The following NDST3 variants were observed in gnomAD, a reference collection of about 807,000 sequenced individuals.
NDST3 encodes N-deacetylase and N-sulfotransferase 3, also known as bifunctional heparan sulfate N-deacetylase/N-sulfotransferase 3.
NDST3 carries 58 observed loss-of-function variants against 96.1 expected under a neutral mutation model. The ratio of observed to expected loss-of-function variants is 0.60; its 90% CI spans 0.49 to 0.75. The LOEUF (loss-of-function observed/expected upper bound fraction) is 0.75. Among genes scored for constraint, NDST3 ranks in the 30% least tolerant of loss-of-function variants. The pLI is 0.00. For missense variants in NDST3, 788 were observed against 1,034.2 expected, an observed-to-expected ratio of 0.76 and a Z score of 3.27; for synonymous variants, 333 against 359.7, an observed-to-expected ratio of 0.93 and a Z score of 0.84.
In NDST3 at chr4:118,198,160, C is replaced by G. The variant is rs1380306098; in HGVS notation, c.1540-26331C>G. Among the ~76,000 whole-genome samples the G allele has an allele frequency of 2.0e-5, 3 of 152,182 alleles. No homozygotes were observed. In the East Asian group the frequency reaches 5.8e-4, roughly 29 times the overall value. Reference sequence around the variant, plus strand: ...TTGAAGAACTGTGTCCATTTACATTCAATTTATAGATAAGTAAGGACTTAC... The same window carrying G: ...TTGAAGAACTGTGTCCATTTACATTGAATTTATAGATAAGTAAGGACTTAC... On this transcript the variant is annotated intron_variant, in intron 6 of 13. Transcript: ENST00000296499.
intron 3 of NDST3, among the ~76,000 whole-genome samples, chr4:118,105,751 A>G (rs1319499366): frequency 1.3e-4 from 20 of 152,170 alleles, no homozygotes; most frequent in Admixed American, 1.3e-3. Flanking sequence ...TTCTGAATAG[A>G]AATGTTCATA....
At chr4:118,202,998 G>C (rs1738195952) in intron 6 of NDST3, among the ~76,000 whole-genome samples, 1 of 152,116 alleles carries the variant, frequency 6.6e-6, no homozygotes, top group Non-Finnish European at 1.5e-5. Flanking sequence ...TCATTGCCTA[G>C]TCTGTTGAGG....
intron 5 of NDST3, among the ~76,000 whole-genome samples, chr4:118,142,952 T>G (rs145191595): frequency 4.6e-5 from 7 of 152,322 alleles, no homozygotes; most frequent in African/African-American, 1.7e-4. Flanking sequence ...GTGAATAATC[T>G]CTTTCTTACA....
At chr4:118,147,054 C>G (rs1482323200) in intron 6 of NDST3, among the ~76,000 whole-genome samples, 4 of 152,128 alleles carry the variant, frequency 2.6e-5, no homozygotes, top group African/African-American at 9.7e-5. Flanking sequence ...TCCCATGTAA[C>G]CGGACTACCT....
intron 9 of NDST3, among the ~76,000 whole-genome samples, chr4:118,235,027 C>CA (rs796108780): frequency 0.014 from 459 of 33,352 alleles, 3 homozygotes; most frequent in African/African-American, 0.036. Flanking sequence ...GAGACTCCAT[C>CA]AAAAAAAAAA....
intron 5 of NDST3, among the ~76,000 whole-genome samples, chr4:118,138,844 C>T (rs554664255): frequency 4.6e-5 from 7 of 152,262 alleles, no homozygotes; most frequent in South Asian, 2.1e-4. Flanking sequence ...TATGCTACTA[C>T]CTCCCAAAGT....
chr4:118,243,638 G>C (rs1390685574), intron 12 of NDST3, among the ~76,000 whole-genome samples: 1 of 152,116 alleles, frequency 6.6e-6, no homozygotes, highest in East Asian at 1.9e-4. Context: ...GCATCTCTTG[G>C]AAAAGAAAGC....
At chr4:118,112,855 A>G (rs1730752226) in intron 3 of NDST3, among the ~76,000 whole-genome samples, 1 of 152,190 alleles carries the variant, frequency 6.6e-6, no homozygotes, top group Non-Finnish European at 1.5e-5. Flanking sequence ...ACCACTCAGA[A>G]GCGCCAAGAA....
chr4:118,161,706 G>A (rs569348685), intron 6 of NDST3, among the ~76,000 whole-genome samples: 39 of 152,268 alleles, frequency 2.6e-4, no homozygotes, highest in Middle Eastern at 3.4e-3. Context: ...CTGGTGTGCC[G>A]TTTTTTAAGC....
At chr4:118,080,824 G>A (rs991914169) in intron 2 of NDST3, among the ~76,000 whole-genome samples, 1 of 152,146 alleles carries the variant, frequency 6.6e-6, no homozygotes, top group Non-Finnish European at 1.5e-5. Context: ...CTGAGGACAT[G>A]AATTATTTTG....
At chr4:118,062,013 A>G (rs916996860) in intron 2 of NDST3, among the ~76,000 whole-genome samples, 11 of 152,196 alleles carry the variant, frequency 7.2e-5, no homozygotes, top group Admixed American at 5.2e-4. Context: ...TTATTTGAAT[A>G]TAATTTGAAC....
intron 13 of NDST3, among the ~76,000 whole-genome samples, chr4:118,254,359 G>C (rs1741978315): frequency 6.6e-6 from 1 of 151,930 alleles, no homozygotes; most frequent in African/African-American, 2.4e-5. Flanking sequence ...GTTTTGAGCT[G>C]TTAATATGCT....
chr4:118,152,546 G>A (rs1416714751), intron 6 of NDST3, among the ~76,000 whole-genome samples: 2 of 151,912 alleles, frequency 1.3e-5, no homozygotes, highest in Middle Eastern at 3.2e-3. Flanking sequence ...CTGGAAAAGG[G>A]GCCTACTGTA....
At chr4:118,129,073 T>C (rs1732374453) in intron 4 of NDST3, among the ~76,000 whole-genome samples, 1 of 151,852 alleles carries the variant, frequency 6.6e-6, no homozygotes, top group Non-Finnish European at 1.5e-5. Flanking sequence ...TGGGTCCTCA[T>C]CCTTTTTTTT....
At position 118,258,003 on chromosome 4, in the gene NDST3, A is replaced by G. The variant is rs544748968; in HGVS notation, c.*2291A>G. On this transcript the variant is annotated 3_prime_UTR_variant, in exon 14 of 14. Transcript: ENST00000296499. ...GGCAACAACATTTATTCTAATAAAA[A>G]AAGAAAAGAAAAACTGATACATTTA... 6.6e-6 allele frequency: 1 copy of G among 152,252 alleles called. No homozygotes were observed. The highest frequency in any genetic ancestry group is 1.5e-5 in the Non-Finnish European group (1 of 68,046). The allele number at this position is 152,252 out of a possible 1,614,324, so 9.4% of individuals were successfully genotyped here. A position where few individuals can be genotyped will look rare whatever the true frequency, so the allele number is the denominator to read the frequency against.
At chr4:118,126,631 G>A (rs1273145291) in intron 4 of NDST3, among the ~76,000 whole-genome samples, 1 of 151,182 alleles carries the variant, frequency 6.6e-6, no homozygotes, top group Non-Finnish European at 1.5e-5. Flanking sequence ...CCTGGCTATT[G>A]TAAACAGTGC....
chr4:118,121,890 T>C (rs972897481), intron 4 of NDST3, among the ~76,000 whole-genome samples: 1 of 152,244 alleles, frequency 6.6e-6, no homozygotes, highest in South Asian at 2.1e-4. Context: ...ATTTGAACTT[T>C]TGAAAGTGGT....
At position 118,206,067 on chromosome 4, in the gene NDST3, C is replaced by T. The variant is rs1418403427; in HGVS notation, c.1540-18424C>T. ...CAGGATGGTCTCGATCTCCTGACCT[C>T]GTGATCCGCCCACCTCGGCCTCCCA... On this transcript the variant is annotated intron_variant, in intron 6 of 13. Coordinates refer to ENST00000296499, the MANE Select transcript of NDST3 (RefSeq NM_004784.3). 2.1e-5 allele frequency among the ~76,000 whole-genome samples: 3 copies of T among 142,928 alleles called. 1 individual carries two copies. Among genetic ancestry groups the T allele is most frequent in the Admixed American group, 2.1e-4 (3 of 14,430 alleles). The allele number at this position is 142,928 out of a possible 152,430, so 93.8% of individuals were successfully genotyped here.
rs111911090 is a variant in NDST3 at position 118,199,865 on chromosome 4, C to T, written c.1540-24626C>T. Reference sequence around the variant, plus strand: ...GATCCAGAAGAATTATCTGGATTACCGGAGACTCTGGTTCTCTTCCTTTAC... The same window carrying T: ...GATCCAGAAGAATTATCTGGATTACTGGAGACTCTGGTTCTCTTCCTTTAC... On this transcript the variant is annotated intron_variant, in intron 6 of 13. Transcript: ENST00000296499. Among the ~76,000 whole-genome samples, 12 of 152,152 alleles carry T rather than the reference C, an allele frequency of 7.9e-5. 1 individual carries two copies. The highest frequency in any genetic ancestry group is 1.7e-4 in the African/African-American group (7 of 41,514).
Sources: gnomAD v4.1 joint callset for allele counts (sites outside exome capture counted in the v4.1 genomes callset) on GRCh38, gnomAD v4.1.1 for gene constraint, MANE v1.5 for transcripts, NCBI Gene and HGNC (gene_info 2026-07-23, HGNC 2026-07-21) for gene names.